The following NLGN1 variants were observed in gnomAD, a reference collection of about 807,000 sequenced individuals.
NLGN1 encodes the protein neuroligin-1.
NLGN1 carries 12 observed loss-of-function variants against 65.5 expected under a neutral mutation model. The ratio of observed to expected loss-of-function variants is 0.18; its 90% CI spans 0.12 to 0.30. The LOEUF (loss-of-function observed/expected upper bound fraction) is 0.30, where lower values mean the gene tolerates loss of function less well. Among genes scored for constraint, NLGN1 ranks in the 10% least tolerant of loss-of-function variants. The pLI is 1.00. For synonymous variants in NLGN1, 350 were observed against 359.5 expected (o/e 0.97, Z 0.30); for missense variants, 750 against 1,007.1 (o/e 0.74, Z 3.46).
intron 4 of NLGN1, among the ~76,000 whole-genome samples, chr3:174,116,596 C>T (rs935169131): frequency 6.6e-5 from 10 of 151,912 alleles, no homozygotes; most frequent in African/African-American, 2.4e-4. Context: ...CCTTGGCCTT[C>T]CGAAGTGCTG....
intron 4 of NLGN1, among the ~76,000 whole-genome samples, chr3:173,932,594 A>G (rs555086823): frequency 6.6e-6 from 1 of 152,292 alleles, no homozygotes; most frequent in African/African-American, 2.4e-5. Context: ...ACTATTGCTC[A>G]GGAGAATTGT....
At chr3:173,767,140 CAAA>C (rs1180120263) in intron 3 of NLGN1, among the ~76,000 whole-genome samples, 1 of 152,002 alleles carries the variant, frequency 6.6e-6, no homozygotes, top group Non-Finnish European at 1.5e-5. Flanking sequence ...TCTGGAAAAA[CAAA>C]AGAAGGGACT....
intron 4 of NLGN1, among the ~76,000 whole-genome samples, chr3:174,107,360 T>C (rs556629950): frequency 2.2e-4 from 33 of 152,290 alleles, no homozygotes; most frequent in African/African-American, 7.5e-4. Context: ...AAGAAAGTTA[T>C]ATAAATGGAA....
rs535977722 is a variant in NLGN1 at position 174,132,534 on chromosome 3, C to T, written c.647-142781C>T. ...TGAGGGATTTATGGATTTTTTCAGT[C>T]TGTTTATAACCTCCTGTAAAGCTTC... On this transcript the variant is annotated intron_variant, in intron 4 of 6. Transcript: ENST00000457714. Among the ~76,000 whole-genome samples, 43 of 152,144 alleles carry T rather than the reference C, an allele frequency of 2.8e-4. 1 individual carries two copies. Among genetic ancestry groups the T allele is most frequent in the South Asian group, 6.2e-4 (3 of 4,818 alleles).
At chr3:173,733,519 C>T (rs1445002745) in intron 3 of NLGN1, among the ~76,000 whole-genome samples, 3 of 152,088 alleles carry the variant, frequency 2.0e-5, no homozygotes, top group Non-Finnish European at 4.4e-5. Flanking sequence ...AACAGAGGGC[C>T]TGGGTGGTGA....
intron 4 of NLGN1, among the ~76,000 whole-genome samples, chr3:174,116,512 A>AT (rs1230230785): frequency 1.3e-5 from 2 of 151,176 alleles, no homozygotes; most frequent in African/African-American, 4.9e-5. Flanking sequence ...TAATATTTAT[A>AT]TTTTTTGTAG....
intron 4 of NLGN1, among the ~76,000 whole-genome samples, chr3:174,046,368 G>T (rs1011293188): frequency 6.6e-6 from 1 of 151,712 alleles, no homozygotes; most frequent in Admixed American, 6.6e-5. Flanking sequence ...ATAGAAGCAG[G>T]CAACTTTTTT....
intron 2 of NLGN1, among the ~76,000 whole-genome samples, chr3:173,456,385 G>T (rs1030445617): frequency 2.0e-5 from 3 of 152,092 alleles, no homozygotes; most frequent in African/African-American, 7.2e-5. Context: ...CTGAGGCTCA[G>T]ATTCTACTGC....
At chr3:173,799,178 T>TA (rs2150400885) in intron 3 of NLGN1, among the ~76,000 whole-genome samples, 1 of 152,136 alleles carries the variant, frequency 6.6e-6, no homozygotes, top group African/African-American at 2.4e-5. Context: ...TACTGCTATG[T>TA]GATTGGCTGT....
chr3:173,550,610 T>G lies in NLGN1; in HGVS notation c.-320-53669T>G, dbSNP rs529546593. On this transcript the variant is annotated intron_variant, in intron 2 of 6. Coordinates refer to ENST00000457714, the Ensembl canonical transcript of NLGN1. ...TGCTAAATACTTGGAAAATGCATAA[T>G]GTTTACAAACCACATTTGTAACCTG... Among the ~76,000 whole-genome samples the G allele has an allele frequency of 7.2e-5, 11 of 152,112 alleles. No individual in the cohort carries two copies. The South Asian group carries it at 2.3e-3, about 32-fold the overall frequency.
chr3:174,050,687 T>C (rs1189184579), intron 4 of NLGN1, among the ~76,000 whole-genome samples: 1 of 152,016 alleles, frequency 6.6e-6, no homozygotes, highest in Non-Finnish European at 1.5e-5. Flanking sequence ...CCTCCACCTT[T>C]ATTGAAACCT....
At chr3:173,400,305 G>A (rs953773483) in intron 1 of NLGN1, among the ~76,000 whole-genome samples, 3 of 151,998 alleles carry the variant, frequency 2.0e-5, no homozygotes, top group Non-Finnish European at 2.9e-5. Context: ...ATTGGCCAGT[G>A]GCTCCTTATA....
intron 4 of NLGN1, among the ~76,000 whole-genome samples, chr3:174,216,294 G>A (rs1295611597): frequency 6.6e-6 from 1 of 152,084 alleles, no homozygotes; most frequent in Non-Finnish European, 1.5e-5. Context: ...ATGTGTGAGA[G>A]AGACAAATAG....
At chr3:174,100,254 A>G (rs1381849586) in intron 4 of NLGN1, among the ~76,000 whole-genome samples, 1 of 151,156 alleles carries the variant, frequency 6.6e-6, no homozygotes, top group Non-Finnish European at 1.5e-5. Flanking sequence ...GAAATTTTGC[A>G]TGTATCAATA....
intron 2 of NLGN1, chr3:173,435,155 C>G (rs945608518): frequency 6.6e-6 from 1 of 152,636 alleles, no homozygotes; most frequent in African/African-American, 2.4e-5. Context: ...CACGGCAAAA[C>G]AGCAATTCTG....
chr3:173,399,627 T>C (rs768398250), intron 1 of NLGN1: 16 of 152,234 alleles, frequency 1.1e-4, no homozygotes, highest in South Asian at 2.1e-4. Flanking sequence ...TGGATGACTT[T>C]CTTGGATCAC....
chr3:174,041,457 A>G (rs1350275566), intron 4 of NLGN1, among the ~76,000 whole-genome samples: 1 of 152,140 alleles, frequency 6.6e-6, no homozygotes, highest in Non-Finnish European at 1.5e-5. Flanking sequence ...TATTGTACAA[A>G]TATTTTTGTG....
At chr3:173,709,092 T>C (rs537721739) in intron 3 of NLGN1, among the ~76,000 whole-genome samples, 3 of 152,230 alleles carry the variant, frequency 2.0e-5, no homozygotes, top group Non-Finnish European at 2.9e-5. Flanking sequence ...TAGCCATGAG[T>C]GTCTGTGTTA....
intron 4 of NLGN1, among the ~76,000 whole-genome samples, chr3:173,850,101 A>G (rs1360187773): frequency 3.9e-5 from 6 of 152,136 alleles, no homozygotes; most frequent in Non-Finnish European, 8.8e-5. Flanking sequence ...AAGAAGTCTC[A>G]CCATTCATAG....
Sources: gnomAD v4.1 joint callset for allele counts (sites outside exome capture counted in the v4.1 genomes callset) on GRCh38, gnomAD v4.1.1 for gene constraint, MANE v1.5 for transcripts, NCBI Gene and HGNC (gene_info 2026-07-23, HGNC 2026-07-21) for gene names.